Variants in ZBTB20 observed in about 807,000 individuals in gnomAD.
ZBTB20 encodes the protein zinc finger and BTB domain-containing protein 20.
ZBTB20 carries 9 observed loss-of-function variants against 56.9 expected under a neutral mutation model. The observed-to-expected ratio is 0.16, with a 90% CI of 0.10 to 0.28. The LOEUF is 0.28. Among genes scored for constraint, ZBTB20 ranks in the 10% least tolerant of loss-of-function variants. The pLI is 1.00. For missense variants in ZBTB20, 655 were observed against 1,003.0 expected (o/e 0.65, Z 4.69); for synonymous variants, 417 against 420.7 (o/e 0.99, Z 0.11).
Position 114,316,896 on chromosome 3 carries a change from G to C in ZBTB20, c.*22109C>G, listed in dbSNP as rs1222875899. On this transcript the variant is annotated 3_prime_UTR_variant, in exon 12 of 12. Coordinates refer to ENST00000675478, the MANE Select transcript of ZBTB20 (RefSeq NM_001348800.3). Reference sequence around the variant, plus strand: ...GCAGCAGCACCTTTATGAGAAGGTAGAGATAGAAAAGGAAGAAGGAAGGAA... The same window carrying C: ...GCAGCAGCACCTTTATGAGAAGGTACAGATAGAAAAGGAAGAAGGAAGGAA... 1 of 210,318 alleles carries C rather than the reference G, an allele frequency of 4.8e-6. No homozygotes were observed. Among genetic ancestry groups the C allele is most frequent in the South Asian group, 6.4e-5 (1 of 15,692 alleles). The allele number at this position is 210,318 out of a possible 1,614,324, so 13.0% of individuals were successfully genotyped here. A position where few individuals can be genotyped will look rare whatever the true frequency, so the allele number is the denominator to read the frequency against.
chr3:114,625,742 T>C (rs945841199), intron 6 of ZBTB20, among the ~76,000 whole-genome samples: 1 of 152,120 alleles, frequency 6.6e-6, no homozygotes, highest in African/African-American at 2.4e-5. Context: ...CATCAAGAAG[T>C]GATGCTCCCA....
rs560849985 is a variant in ZBTB20 at position 114,813,636 on chromosome 3, A to G, written c.-416-12462T>C. 1.7e-3 allele frequency among the ~76,000 whole-genome samples: 255 copies of G among 152,344 alleles called. 2 individuals are homozygous for G. Among genetic ancestry groups the G allele is most frequent in the African/African-American group, 5.9e-3 (246 of 41,578 alleles). ...CATGGTGGCGCATACCTGTAGTCCCAGCTACTTGGGAGGCTGAGGCAGGAG... is the reference window on the plus strand; with the variant it reads ...CATGGTGGCGCATACCTGTAGTCCCGGCTACTTGGGAGGCTGAGGCAGGAG... On this transcript the variant is annotated intron_variant, in intron 4 of 11. Transcript: ENST00000675478.
chr3:114,414,577 A>T (rs1280762356), intron 7 of ZBTB20, among the ~76,000 whole-genome samples: 1 of 152,024 alleles, frequency 6.6e-6, no homozygotes, highest in Admixed American at 6.6e-5. Context: ...TGTCCCTCAT[A>T]ACAAAAGTAA....
At chr3:114,813,811 A>C (rs1056721454) in intron 4 of ZBTB20, among the ~76,000 whole-genome samples, 3 of 152,172 alleles carry the variant, frequency 2.0e-5, no homozygotes, top group Non-Finnish European at 2.9e-5. Flanking sequence ...ATAATCTAAT[A>C]TAATATAATC....
intron 4 of ZBTB20, among the ~76,000 whole-genome samples, chr3:114,883,414 T>TA (rs1248355224): frequency 6.6e-6 from 1 of 152,214 alleles, no homozygotes; most frequent in Non-Finnish European, 1.5e-5. Flanking sequence ...ATGTATTACT[T>TA]ACATACTTCA....
chr3:114,986,678 C>T (rs2078559592), intron 2 of ZBTB20, among the ~76,000 whole-genome samples: 1 of 152,018 alleles, frequency 6.6e-6, no homozygotes, highest in Admixed American at 6.6e-5. Context: ...AATAAATACA[C>T]CTTTACCTGT....
chr3:115,129,200 T>C (rs191531457), intron 1 of ZBTB20, among the ~76,000 whole-genome samples: 1 of 152,208 alleles, frequency 6.6e-6, no homozygotes, highest in African/African-American at 2.4e-5. Context: ...ACATATTTTT[T>C]AAGAATATTT....
At chr3:114,659,443 C>A (rs145408513) in intron 6 of ZBTB20, among the ~76,000 whole-genome samples, 1 of 152,356 alleles carries the variant, frequency 6.6e-6, no homozygotes, top group African/African-American at 2.4e-5. Context: ...GACAGACCAG[C>A]TGCATCAAAG....
intron 3 of ZBTB20, among the ~76,000 whole-genome samples, chr3:114,916,360 A>G (rs2075745040): frequency 6.6e-6 from 1 of 152,112 alleles, no homozygotes; most frequent in Admixed American, 6.6e-5. Flanking sequence ...GTATGATATC[A>G]GTATATTTCA....
chr3:115,005,995 G>T (rs1418793602), intron 2 of ZBTB20, among the ~76,000 whole-genome samples: 1 of 145,798 alleles, frequency 6.9e-6, no homozygotes, highest in Non-Finnish European at 1.5e-5. Flanking sequence ...CCTAGACATT[G>T]CCAAATGTTT....
At chr3:114,381,186 G>GA (rs1417451816) in intron 8 of ZBTB20, among the ~76,000 whole-genome samples, 3 of 152,160 alleles carry the variant, frequency 2.0e-5, no homozygotes, top group African/African-American at 7.2e-5. Flanking sequence ...GCTAAAGAGG[G>GA]AAGGTGTCAT....
intron 6 of ZBTB20, among the ~76,000 whole-genome samples, chr3:114,580,173 T>A (rs1204224479): frequency 6.6e-6 from 1 of 151,558 alleles, no homozygotes; most frequent in Non-Finnish European, 1.5e-5. Flanking sequence ...AGCAAGAATA[T>A]TTTTTCCAAG....
intron 6 of ZBTB20, among the ~76,000 whole-genome samples, chr3:114,576,468 C>G (rs533615581): frequency 1.6e-5 from 2 of 123,340 alleles, no homozygotes; most frequent in South Asian, 2.6e-4. Context: ...CGCCGCTGCA[C>G]TCCAGCCTGG....
intron 6 of ZBTB20, among the ~76,000 whole-genome samples, chr3:114,664,806 C>T (rs369787620): frequency 3.9e-5 from 6 of 152,100 alleles, no homozygotes; most frequent in African/African-American, 1.4e-4. Context: ...GGAAAATGGG[C>T]AGTGGTACAT....
chr3:114,707,187 C>T (rs1560151344), intron 5 of ZBTB20, among the ~76,000 whole-genome samples: 1 of 152,068 alleles, frequency 6.6e-6, no homozygotes, highest in Non-Finnish European at 1.5e-5. Context: ...TACATTTTTG[C>T]TATATGTCAT....
chr3:115,097,687 G>C lies in ZBTB20; in HGVS notation c.-702-26273C>G, dbSNP rs575596328. Among the ~76,000 whole-genome samples the C allele has an allele frequency of 9.2e-5, 14 of 152,254 alleles. 1 individual carries two copies. In the South Asian group the frequency reaches 2.9e-3, roughly 32 times the overall value. On this transcript the variant is annotated intron_variant, in intron 1 of 11. Transcript: ENST00000675478. Reference sequence around the variant, plus strand: ...ACTGTGACCTGACCAAGACTTTGGGGATCTAAACAGGCAGATATCATGTGC... The same window carrying C: ...ACTGTGACCTGACCAAGACTTTGGGCATCTAAACAGGCAGATATCATGTGC...
At chr3:115,055,839 G>C (rs1050760811) in intron 2 of ZBTB20, among the ~76,000 whole-genome samples, 15 of 151,906 alleles carry the variant, frequency 9.9e-5, no homozygotes, top group Non-Finnish European at 1.0e-4. Context: ...ACAGATAATT[G>C]AAATTAATTA....
rs568063964 is a variant in ZBTB20 at position 114,550,181 on chromosome 3, G to A, written c.-294-49790C>T. ...TCTCAATCTCCTGATCTTGCGATCC[G>A]CCTGCCTTGGCCTCCCAAAGTGCTG... is the stretch of plus-strand genomic sequence containing the variant. On this transcript the variant is annotated intron_variant, in intron 6 of 11. Coordinates refer to ENST00000675478, the MANE Select transcript of ZBTB20 (RefSeq NM_001348800.3). Among the ~76,000 whole-genome samples, 122 of 152,192 alleles carry A rather than the reference G, an allele frequency of 8.0e-4. 2 individuals carry two copies. Among genetic ancestry groups the A allele is most frequent in the Admixed American group, 2.6e-3 (39 of 15,274 alleles).
At chr3:114,669,762 C>T (rs982748131) in intron 6 of ZBTB20, among the ~76,000 whole-genome samples, 1 of 151,996 alleles carries the variant, frequency 6.6e-6, no homozygotes, top group Non-Finnish European at 1.5e-5. Flanking sequence ...CACCACATTT[C>T]TAATACAACT....
Sources: gnomAD v4.1 joint callset for allele counts (sites outside exome capture counted in the v4.1 genomes callset) on GRCh38, gnomAD v4.1.1 for gene constraint, MANE v1.5 for transcripts, NCBI Gene and HGNC (gene_info 2026-07-23, HGNC 2026-07-21) for gene names.